The following ANKMY1 variants were observed in gnomAD, a reference collection of about 807,000 sequenced individuals.
ANKMY1 encodes ankyrin repeat and MYND domain containing 1.
In ANKMY1, 98 loss-of-function variants were observed where a neutral mutation model predicts 102.0. That is an observed-to-expected ratio of 0.96 (90% CI 0.82 to 1.14). The LOEUF is 1.14. Ranked by LOEUF, ANKMY1 falls within the 50% of genes most tolerant of loss-of-function variation. The pLI is 0.00. For synonymous variants in ANKMY1, 582 were observed against 559.9 expected (o/e 1.04, Z -0.56); for missense variants, 1,330 against 1,347.6 (o/e 0.99, Z 0.20).
chr2:240,498,174 G>A (rs2077516733), intron 15 of ANKMY1, among the ~76,000 whole-genome samples: 1 of 150,564 alleles, frequency 6.6e-6, no homozygotes. Flanking sequence ...GGGGAGGTTA[G>A]TATGTTTGTG....
In ANKMY1 at chr2:240,529,764, G is replaced by A. The variant is rs2084876321; in HGVS notation, c.481-255C>T. Among the ~76,000 whole-genome samples, 1 of 152,162 alleles carries A rather than the reference G, an allele frequency of 6.6e-6. No individual in the cohort carries two copies. The highest frequency in any genetic ancestry group is 1.9e-4 in the East Asian group (1 of 5,182). ...AGGGGGCAGCCAGGGAGGTCTCAGTGGCCTCTGAGGTGAGGACATGATGGA... is the reference window on the plus strand; with the variant it reads ...AGGGGGCAGCCAGGGAGGTCTCAGTAGCCTCTGAGGTGAGGACATGATGGA... On this transcript the variant is annotated intron_variant, in intron 4 of 17. Transcript: ENST00000401804. This position sits in a 1 kb window ranked among gnomAD's most constrained non-coding sequence, Gnocchi z 4.2.
chr2:240,531,979 G>A (rs1575209708), intron 4 of ANKMY1: 1 of 238,644 alleles, frequency 4.2e-6, no homozygotes, highest in East Asian at 1.5e-4. Flanking sequence ...AAAAATGGAA[G>A]ACACAGAAAT....
upstream of ANKMY1, chr2:240,560,714 G>C: frequency 2.0e-6 from 3 of 1,527,428 alleles, no homozygotes; most frequent in South Asian, 2.4e-5. Context: ...GGCGCCGCGG[G>C]GCCGCCTCGC....
intron 15 of ANKMY1, among the ~76,000 whole-genome samples, chr2:240,487,771 T>G (rs530865944): frequency 1.3e-4 from 20 of 152,204 alleles, no homozygotes; most frequent in Non-Finnish European, 2.8e-4. Flanking sequence ...ACTGGCTGTT[T>G]GTACGTCTTC....
chr2:240,471,420 A>T, the ANKMY1 span, among the ~76,000 whole-genome samples: 4 of 145,198 alleles, frequency 2.8e-5, no homozygotes, highest in East Asian at 7.7e-4. Flanking sequence ...AAAATTTCAA[A>T]ATGAAAAAAT....
chr2:240,503,653 C>CCAT (rs2152077408), intron 13 of ANKMY1, among the ~76,000 whole-genome samples: 1 of 152,316 alleles, frequency 6.6e-6, no homozygotes, highest in Non-Finnish European at 1.5e-5. Flanking sequence ...CACAAGCTCA[C>CCAT]CATGGGCCGA....
intron 13 of ANKMY1, among the ~76,000 whole-genome samples, chr2:240,504,281 C>G (rs1223845089): frequency 7.9e-5 from 12 of 152,338 alleles, no homozygotes; most frequent in African/African-American, 2.4e-4. Flanking sequence ...CAGGGACTCT[C>G]TGGACTCAGA....
intron 4 of ANKMY1, among the ~76,000 whole-genome samples, chr2:240,545,791 G>C (rs896873719): frequency 1.3e-5 from 2 of 152,168 alleles, no homozygotes; most frequent in Non-Finnish European, 2.9e-5. Flanking sequence ...GAAATGAAGC[G>C]AGAAGGGAAG....
intron 4 of ANKMY1, among the ~76,000 whole-genome samples, chr2:240,552,226 C>T (rs1031345854): frequency 6.6e-6 from 1 of 152,188 alleles, no homozygotes; most frequent in Non-Finnish European, 1.5e-5. Context: ...GTGCAGGAAG[C>T]GGAAAGATCT....
chr2:240,482,113 C>T, intron 16 of ANKMY1, 70 bp downstream of exon 16: 6 of 1,530,772 alleles, frequency 3.9e-6, no homozygotes, highest in Non-Finnish European at 3.6e-6. Flanking sequence ...GTGGTCAGGC[C>T]AGGCACAACA....
rs1473901600 is a variant in ANKMY1, at chr2:240,482,259, C to T, written c.2809G>A (p.Glu937Lys). 1 of 1,611,814 alleles carries T rather than the reference C, an allele frequency of 6.2e-7. No homozygotes were observed. Among genetic ancestry groups the T allele is most frequent in the Admixed American group, 1.7e-5 (1 of 59,510 alleles). Residue 937 changes from glutamate to lysine, a missense_variant and splice_region_variant, in exon 16 of 18, where the codon GAG becomes AAG. Transcript: ENST00000401804. ...TTCATCCTGTGGCTGGGGATCAGCT[C>T]CGCTGCATGAGAGAGGGTCCCGCAT... ...PTWLYLCKRA[E>K]LIPSHRMKKK...
chr2:240,537,690 C>A (rs1240348966), intron 4 of ANKMY1, among the ~76,000 whole-genome samples: 2 of 152,208 alleles, frequency 1.3e-5, no homozygotes, highest in African/African-American at 4.8e-5. Flanking sequence ...ACGAAGTGTG[C>A]ATGTCTATAA....
At chr2:240,540,575 G>C (rs2088459940) in intron 4 of ANKMY1, among the ~76,000 whole-genome samples, 1 of 152,110 alleles carries the variant, frequency 6.6e-6, no homozygotes, top group African/African-American at 2.4e-5. Flanking sequence ...CTGAGTTCCT[G>C]TTTTCTTACC....
At chr2:240,560,688 G>A (rs777169264), upstream of ANKMY1, 1 of 1,523,806 alleles carries the variant, frequency 6.6e-7, no homozygotes, top group Non-Finnish European at 8.7e-7. Context: ...GGGCGCCATG[G>A]GACCGGCAGA....
chr2:240,505,021 T>C (rs2078823734), intron 13 of ANKMY1, among the ~76,000 whole-genome samples: 1 of 150,320 alleles, frequency 6.7e-6, no homozygotes, highest in South Asian at 2.2e-4. Context: ...TAAAATACCA[T>C]CTCGCATCCA....
the ANKMY1 span, among the ~76,000 whole-genome samples, chr2:240,468,978 G>A: frequency 3.2e-4 from 48 of 152,300 alleles, no homozygotes; most frequent in East Asian, 7.7e-4. Flanking sequence ...CCAGAGGCCC[G>A]GCTCCTCCCC....
chr2:240,497,493 T>A (rs2077416748), intron 15 of ANKMY1, among the ~76,000 whole-genome samples: 1 of 152,256 alleles, frequency 6.6e-6, no homozygotes, highest in South Asian at 2.1e-4. Context: ...CATTCTCTGT[T>A]CTTACTGAAT....
At chr2:240,516,628 AATT>A (rs1296397349) in intron 9 of ANKMY1, among the ~76,000 whole-genome samples, 6 of 152,220 alleles carry the variant, frequency 3.9e-5, no homozygotes, top group Non-Finnish European at 5.9e-5. Context: ...TGTCATCCAC[AATT>A]ATTGTTTTGT....
intron 15 of ANKMY1, among the ~76,000 whole-genome samples, chr2:240,497,151 C>T (rs1421099287): frequency 6.6e-6 from 1 of 151,990 alleles, no homozygotes; most frequent in Non-Finnish European, 1.5e-5. Flanking sequence ...GCCGCCACCT[C>T]CTCGCCATCT....
Sources: allele counts gnomAD v4.1 joint callset (sites outside exome capture counted in the v4.1 genomes callset), GRCh38; gene constraint gnomAD v4.1.1; non-coding constraint Gnocchi (gnomAD v3.1); transcripts MANE v1.5; gene names NCBI Gene and HGNC (gene_info 2026-07-23, HGNC 2026-07-21).